The following PLEKHA5 variants were observed in gnomAD, a reference collection of about 807,000 sequenced individuals.
PLEKHA5 encodes pleckstrin homology domain containing A5.
A neutral mutation model predicts 181.9 loss-of-function variants in PLEKHA5; 55 were observed. The observed-to-expected ratio is 0.30, with a 90% CI of 0.24 to 0.38. PLEKHA5 has a LOEUF of 0.38. PLEKHA5 is among the 10% of genes least tolerant of loss of function. PLEKHA5 has a pLI of 1.00. For missense variants in PLEKHA5, 1,432 were observed against 1,549.5 expected (o/e 0.92, Z 1.27); for synonymous variants, 535 against 529.4 (o/e 1.01, Z -0.15).
chr12:19,173,762 G>C (rs2046551999), intron 3 of PLEKHA5, among the ~76,000 whole-genome samples: 1 of 152,284 alleles, frequency 6.6e-6, no homozygotes, highest in African/African-American at 2.4e-5. Context: ...ATTTAAAAAG[G>C]CATCATGTAT....
rs574576226 is a variant in PLEKHA5 at position 19,172,923 on chromosome 12, G to A, written c.227+40473G>A. Among the ~76,000 whole-genome samples the A allele has an allele frequency of 2.0e-4, 30 of 148,856 alleles. No individual in the cohort carries two copies. The East Asian group carries it at 4.9e-3, about 24-fold the overall frequency. The stretch of plus-strand genomic sequence containing the variant: ...GTGGTGATCATTCTCCTCGTGTCTC[G>A]GGTATGTTTTGCATCTGAGCAATAG... On this transcript the variant is annotated intron_variant, in intron 3 of 31. Transcript: ENST00000429027.
chr12:19,161,886 A>G (rs2043052210), intron 3 of PLEKHA5, among the ~76,000 whole-genome samples: 1 of 152,118 alleles, frequency 6.6e-6, no homozygotes, highest in Non-Finnish European at 1.5e-5. Flanking sequence ...TCAAAACAGA[A>G]CTGCGAATAT....
chr12:19,351,692 T>C (rs2094601580), intron 25 of PLEKHA5, among the ~76,000 whole-genome samples: 1 of 151,924 alleles, frequency 6.6e-6, no homozygotes, highest in South Asian at 2.1e-4. Flanking sequence ...CTGGAGAAAA[T>C]GCAAAGCAAA....
chr12:19,336,425 C>A, intron 20 of PLEKHA5, 90 bp from the exon 21 acceptor site: 2 of 708,192 alleles, frequency 2.8e-6, no homozygotes, highest in Non-Finnish European at 4.8e-6. Context: ...AACTATATGA[C>A]TTTCTAAAAT....
intron 30 of PLEKHA5, among the ~76,000 whole-genome samples, chr12:19,366,512 G>A (rs1367528514): frequency 6.6e-6 from 1 of 151,940 alleles, no homozygotes; most frequent in Non-Finnish European, 1.5e-5. Flanking sequence ...AAATTAGCCG[G>A]GCATGGTGGC....
chr12:19,265,298 A>G (rs1403282342), intron 7 of PLEKHA5, among the ~76,000 whole-genome samples: 1 of 152,218 alleles, frequency 6.6e-6, no homozygotes, highest in Non-Finnish European at 1.5e-5. Flanking sequence ...AGGTATTGAG[A>G]GTAGGCAATG....
intron 16 of PLEKHA5, among the ~76,000 whole-genome samples, chr12:19,318,192 G>A (rs998054069): frequency 3.3e-5 from 5 of 151,142 alleles, no homozygotes; most frequent in African/African-American, 1.2e-4. Flanking sequence ...TGTGGGGAGA[G>A]GTTTAAGGAT....
intron 20 of PLEKHA5, among the ~76,000 whole-genome samples, chr12:19,332,847 G>T (rs552298256): frequency 1.3e-5 from 2 of 152,094 alleles, no homozygotes; most frequent in African/African-American, 4.8e-5. Context: ...GCAGAGATGG[G>T]ATTTCACCAT....
intron 26 of PLEKHA5, among the ~76,000 whole-genome samples, chr12:19,354,924 C>T (rs1237162003): frequency 6.6e-6 from 1 of 152,164 alleles, no homozygotes; most frequent in Non-Finnish European, 1.5e-5. Context: ...CTGTACTACA[C>T]TCCTTGATGC....
At chr12:19,181,105 T>C (rs1478183163) in intron 3 of PLEKHA5, among the ~76,000 whole-genome samples, 1 of 152,150 alleles carries the variant, frequency 6.6e-6, no homozygotes, top group Non-Finnish European at 1.5e-5. Flanking sequence ...AAAAGAACTC[T>C]ATAGTAATAT....
intron 20 of PLEKHA5, among the ~76,000 whole-genome samples, chr12:19,323,334 C>T (rs141247881): frequency 0.027 from 4,114 of 151,986 alleles, 82 homozygotes; most frequent in South Asian, 0.037. Context: ...ACCAGCCTGA[C>T]CAGCATGGTG....
rs145682565 is a variant in PLEKHA5 at position 19,274,580 on chromosome 12, G to A, written c.910G>A (p.Val304Met). The A allele has an allele frequency of 2.3e-4, 376 of 1,613,492 alleles. No homozygotes were observed. The African/African-American group carries it at 4.6e-3, about 20-fold the overall frequency. Residue 304 changes from valine to methionine, a missense_variant, in exon 11 of 32, where the codon GTG (valine) becomes ATG (methionine). Physicochemically the swap from Val to Met is conservative, Grantham distance 21. Transcript: ENST00000429027. ...AACCAATAACATTCCCAACCATAGA[G>A]TGCTAATTAAACCAGAGATCCAAAA... ...KETNNIPNHR[V>M]LIKPEIQNNQ... is the part of the protein sequence containing the mutation.
chr12:19,306,963 C>A, intron 15 of PLEKHA5: 2 of 1,284,896 alleles, frequency 1.6e-6, no homozygotes, highest in Non-Finnish European at 1.1e-6. Context: ...CTACTCCTAA[C>A]CCACTTACTC....
At chr12:19,259,881 A>G (rs372831321) in intron 6 of PLEKHA5, among the ~76,000 whole-genome samples, 2 of 148,324 alleles carry the variant, frequency 1.3e-5, no homozygotes, top group South Asian at 2.1e-4. Context: ...GTTAATTTCT[A>G]TAATTCTGAA....
At chr12:19,345,934 A>G in intron 23 of PLEKHA5, 46 bp downstream of exon 23, 2 of 897,384 alleles carry the variant, frequency 2.2e-6, no homozygotes, top group Non-Finnish European at 3.6e-6. Context: ...TTTAATGCTT[A>G]AGAGATGAAT....
At chr12:19,360,327 G>T (rs1283576040) in intron 28 of PLEKHA5, among the ~76,000 whole-genome samples, 3 of 151,350 alleles carry the variant, frequency 2.0e-5, no homozygotes, top group African/African-American at 7.3e-5. Context: ...AAAAAACGTG[G>T]CGGGCACAGT....
chr12:19,200,635 A>T, intron 3 of PLEKHA5: 1 of 1,102,788 alleles, frequency 9.1e-7, no homozygotes, highest in Non-Finnish European at 1.1e-6. Context: ...CTTCCTCTTC[A>T]ATCCAAATCT....
At chr12:19,287,337 C>T (rs1449596550) in intron 12 of PLEKHA5, 136 bp from the exon 13 acceptor site, 1 of 682,228 alleles carries the variant, frequency 1.5e-6, no homozygotes, top group Admixed American at 2.7e-5. Flanking sequence ...AAATGTTAGT[C>T]TCTATCATCT....
At chr12:19,276,555 T>G (rs1364168900) in intron 11 of PLEKHA5, among the ~76,000 whole-genome samples, 1 of 152,086 alleles carries the variant, frequency 6.6e-6, no homozygotes, top group African/African-American at 2.4e-5. Context: ...GCCAGACATT[T>G]TAGTGCTCAC....
Sources: gnomAD v4.1 joint callset for allele counts (sites outside exome capture counted in the v4.1 genomes callset) on GRCh38, gnomAD v4.1.1 for gene constraint, MANE v1.5 for transcripts, NCBI Gene and HGNC (gene_info 2026-07-23, HGNC 2026-07-21) for gene names.